Variants in STAT5B observed in about 807,000 individuals in gnomAD.
STAT5B encodes the protein signal transducer and activator of transcription 5B.
Under a neutral mutation model 107.8 loss-of-function variants are expected in STAT5B, and 21 were observed. The ratio of observed to expected loss-of-function variants is 0.19; its 90% CI spans 0.14 to 0.28. The LOEUF (loss-of-function observed/expected upper bound fraction) is 0.28, where lower values mean the gene tolerates loss of function less well. STAT5B is among the 10% of genes least tolerant of loss of function. The pLI is 1.00. For missense variants in STAT5B, 565 were observed against 1,008.2 expected (o/e 0.56, Z 5.95); for synonymous variants, 325 against 401.7 (o/e 0.81, Z 2.28).
At chr17:42,205,930 A>C (rs2080081306) in intron 16 of STAT5B, among the ~76,000 whole-genome samples, 1 of 152,046 alleles carries the variant, frequency 6.6e-6, no homozygotes, top group Non-Finnish European at 1.5e-5. Flanking sequence ...CAACAAAAAA[A>C]ACAAACATGT....
intron 1 of STAT5B, among the ~76,000 whole-genome samples, chr17:42,246,454 T>C (rs2080452443): frequency 6.6e-6 from 1 of 152,298 alleles, no homozygotes; most frequent in South Asian, 2.1e-4. Flanking sequence ...GTGCCTTAAA[T>C]GTGTTTTCAA....
chr17:42,248,383 A>G (rs933729242), intron 1 of STAT5B, among the ~76,000 whole-genome samples: 4 of 152,284 alleles, frequency 2.6e-5, no homozygotes, highest in Non-Finnish European at 4.4e-5. Context: ...GGGAAAAAAA[A>G]AAAACAACAA....
Position 42,200,619 on chromosome 17 carries a change from T to C in STAT5B, c.*1119A>G, listed in dbSNP as rs2080036193. The stretch of plus-strand genomic sequence containing the variant: ...CTGCTGCTACCTACTCTTCAAGACA[T>C]TAGGTGTGAACAGAGAAGGGGAATG... On this transcript the variant is annotated 3_prime_UTR_variant, in exon 19 of 19. Transcript: ENST00000293328. 1 of 153,466 alleles carries C rather than the reference T, an allele frequency of 6.5e-6. No individual in the cohort carries two copies. Among genetic ancestry groups the C allele is most frequent in the Admixed American group, 6.5e-5 (1 of 15,276 alleles). The allele number at this position is 153,466 out of a possible 1,614,324, so 9.5% of individuals were successfully genotyped here.
chr17:42,217,690 T>A lies in STAT5B; in HGVS notation c.1170-226A>T, dbSNP rs2080184117. 3 of 168,160 alleles carry A rather than the reference T, an allele frequency of 1.8e-5. No homozygotes were observed. In the South Asian group the frequency reaches 3.5e-4, roughly 20 times the overall value. The allele number at this position is 168,160 out of a possible 1,614,324, so 10.4% of individuals were successfully genotyped here. A position where few individuals can be genotyped will look rare whatever the true frequency, so the allele number is the denominator to read the frequency against. Reference sequence around the variant, plus strand: ...CACAGAAAACAGTTCCTAAGAGAACTTTTTTTTTTTTTTTTGTGACGGAGT... The same window carrying A: ...CACAGAAAACAGTTCCTAAGAGAACATTTTTTTTTTTTTTTGTGACGGAGT... On this transcript the variant is annotated intron_variant, in intron 9 of 18. Coordinates refer to ENST00000293328, the MANE Select transcript of STAT5B (RefSeq NM_012448.4).
intron 16 of STAT5B, among the ~76,000 whole-genome samples, chr17:42,203,499 T>C (rs1284856138): frequency 3.3e-5 from 5 of 151,498 alleles, no homozygotes; most frequent in African/African-American, 1.2e-4. Context: ...GGGGATAAAA[T>C]CAGGACCAGG....
intron 1 of STAT5B, among the ~76,000 whole-genome samples, chr17:42,256,817 G>A (rs1194685232): frequency 1.5e-5 from 2 of 132,354 alleles, no homozygotes; most frequent in African/African-American, 3.1e-5. Context: ...AACGGAGATT[G>A]CGCCACTGCA....
At chr17:42,212,577 G>T (rs1288017038) in intron 12 of STAT5B, among the ~76,000 whole-genome samples, 1 of 152,238 alleles carries the variant, frequency 6.6e-6, no homozygotes, top group East Asian at 1.9e-4. Flanking sequence ...GTGCGTATGT[G>T]TGCACACGTG....
Position 42,202,392 on chromosome 17 carries a change from C to A in STAT5B, c.2185G>T (p.Ala729Ser), listed in dbSNP as rs200042237. 153 of 1,614,112 alleles carry A rather than the reference C, an allele frequency of 9.5e-5. No individual in the cohort carries two copies. In the East Asian group the frequency reaches 1.8e-3, roughly 19 times the overall value. The change falls in exon 18 of 19, where the codon GCC (alanine) becomes TCC (serine). Residue 729 changes from alanine to serine, a missense_variant. Ala to Ser is a moderately conservative substitution (Grantham distance 99). Coordinates refer to ENST00000293328, the MANE Select transcript of STAT5B (RefSeq NM_012448.4). ...TGGGGACACACAGCTGGGGAGGGGG[C>A]CTGGTCCATGTACGTGGCGCTGCCG... ...GGGSATYMDQ[A>S]PSPAVCPQAH... is the part of the protein sequence containing the mutation.
chr17:42,262,888 A>G (rs2080619361), intron 1 of STAT5B, among the ~76,000 whole-genome samples: 1 of 127,934 alleles, frequency 7.8e-6, no homozygotes, highest in Admixed American at 8.1e-5. Context: ...ATACACATAT[A>G]TATGTGTGTA....
intron 12 of STAT5B, 45 bp from the exon 13 acceptor site, chr17:42,212,235 G>A: frequency 1.9e-6 from 3 of 1,613,692 alleles, no homozygotes; most frequent in Non-Finnish European, 2.5e-6. Flanking sequence ...ACAGTTGCAT[G>A]ATTTATTCCC....
chr17:42,234,287 T>C (rs1249810990), intron 1 of STAT5B: 1 of 152,212 alleles, frequency 6.6e-6, no homozygotes, highest in African/African-American at 2.4e-5. Flanking sequence ...TTTAGACTAG[T>C]GCAATGCTAT....
At chr17:42,266,389 T>G (rs1045459883) in intron 1 of STAT5B, among the ~76,000 whole-genome samples, 2 of 151,570 alleles carry the variant, frequency 1.3e-5, no homozygotes, top group Non-Finnish European at 2.9e-5. Flanking sequence ...TAAATTAAAA[T>G]AATAAATAAA....
Position 42,201,743 on chromosome 17 carries a change from A to G in STAT5B, c.2359T>C (p.Ser787Pro), listed in dbSNP as rs547016204. ...MDSQWIPHAQS is the reference protein window; with the variant it reads ...MDSQWIPHAQP ...AAGATGGAGAGGTCGCGGGGTCACG[A>G]TTGTGCGTGCGGGATCCACTGACTG... The change falls in exon 19 of 19, where the codon TCG becomes CCG. Residue 787 changes from serine (S) to proline (P), a missense_variant. Around this residue, in one of 11 missense-constraint regions of STAT5B, gnomAD observed 76 missense variants for 110.2 expected, o/e 0.69. Transcript: ENST00000293328. 1.6e-5 allele frequency: 25 copies of G among 1,601,090 alleles called. No homozygotes were observed. In the South Asian group the frequency reaches 2.5e-4, roughly 16 times the overall value.
chr17:42,204,837 C>T (rs1320464064), intron 16 of STAT5B, among the ~76,000 whole-genome samples: 1 of 152,054 alleles, frequency 6.6e-6, no homozygotes, highest in Non-Finnish European at 1.5e-5. Context: ...TGGTCTCAAA[C>T]TCCTAGGCTC....
intron 1 of STAT5B, among the ~76,000 whole-genome samples, chr17:42,233,552 G>T (rs902897796): frequency 6.6e-6 from 1 of 150,770 alleles, no homozygotes; most frequent in Non-Finnish European, 1.5e-5. Flanking sequence ...GTGCCGTGAC[G>T]CGATCTCAGC....
chr17:42,216,199 T>C, intron 11 of STAT5B, 93 bp from the exon 12 acceptor site: 2 of 1,145,364 alleles, frequency 1.7e-6, no homozygotes, highest in Non-Finnish European at 2.5e-6. Flanking sequence ...AACACTTTTA[T>C]TTTCCAAGTT....
chr17:42,266,106 G>A (rs2080668902), intron 1 of STAT5B, among the ~76,000 whole-genome samples: 1 of 152,014 alleles, frequency 6.6e-6, no homozygotes, highest in East Asian at 1.9e-4. Flanking sequence ...AGACATATGT[G>A]TATCTATAAG....
At chr17:42,243,067 T>C (rs2080418577) in intron 1 of STAT5B, among the ~76,000 whole-genome samples, 2 of 151,098 alleles carry the variant, frequency 1.3e-5, no homozygotes, top group Non-Finnish European at 2.9e-5. Flanking sequence ...CCCTCCACTA[T>C]TGTCCTGTGA....
chr17:42,251,726 G>A (rs1207366221), intron 1 of STAT5B, among the ~76,000 whole-genome samples: 1 of 152,098 alleles, frequency 6.6e-6, no homozygotes, highest in Admixed American at 6.6e-5. Context: ...TAGATTGGGT[G>A]CGGTGGCTCA....
Sources: gnomAD v4.1 joint callset for allele counts (sites outside exome capture counted in the v4.1 genomes callset) on GRCh38, gnomAD v4.1.1 for gene constraint, gnomAD v4.1.1 regional missense constraint, MANE v1.5 for transcripts, NCBI Gene and HGNC (gene_info 2026-07-23, HGNC 2026-07-21) for gene names.